The following ATP9B variants were observed in gnomAD, a reference collection of about 807,000 sequenced individuals.
ATP9B encodes ATPase phospholipid transporting 9B.
ATP9B carries 110 observed loss-of-function variants against 146.1 expected under a neutral mutation model. That is an observed-to-expected ratio of 0.75 (90% confidence interval 0.65 to 0.88). The LOEUF is 0.88. Among genes scored for constraint, ATP9B ranks in the 40% least tolerant of loss-of-function variants. The probability of loss-of-function intolerance (pLI) is 0.00; values close to 1 mark genes in which losing one functional copy is unlikely to be tolerated. For missense variants in ATP9B, 1,499 were observed against 1,496.4 expected (o/e 1.00, Z -0.03); for synonymous variants, 604 against 569.7 (o/e 1.06, Z -0.86).
At position 79,162,270 on chromosome 18, in the gene ATP9B, G is replaced by A. The variant is rs370128966; in HGVS notation, c.778+7715G>A. ...GGTTGCTCATGGCATCGTATTGACT[G>A]TGTATTAACACAGAATATTCTGTTG... On this transcript the variant is annotated intron_variant, in intron 7 of 29. Transcript: ENST00000426216. 1.2e-4 allele frequency among the ~76,000 whole-genome samples: 19 copies of A among 152,300 alleles called. No homozygotes were observed. The East Asian group carries it at 2.7e-3, about 22-fold the overall frequency.
At chr18:79,175,151 C>CG (rs2095142438) in intron 7 of ATP9B, among the ~76,000 whole-genome samples, 1 of 145,350 alleles carries the variant, frequency 6.9e-6, no homozygotes, top group African/African-American at 2.6e-5. Context: ...CAGTGAGCCG[C>CG]GATTGTGCCA....
intron 1 of ATP9B, among the ~76,000 whole-genome samples, chr18:79,096,057 T>A (rs2074753625): frequency 6.6e-6 from 1 of 152,226 alleles, no homozygotes; most frequent in African/African-American, 2.4e-5. Flanking sequence ...TCTAGAATGT[T>A]GGTTGATGAC....
chr18:79,125,717 CAT>C (rs1474625273), intron 4 of ATP9B, among the ~76,000 whole-genome samples: 1 of 152,102 alleles, frequency 6.6e-6, no homozygotes, highest in East Asian at 1.9e-4. Flanking sequence ...TAGCTAGCAT[CAT>C]ATTAATACAG....
At chr18:79,300,971 AAG>A (rs1278080442) in intron 13 of ATP9B, among the ~76,000 whole-genome samples, 3 of 152,218 alleles carry the variant, frequency 2.0e-5, no homozygotes, top group Non-Finnish European at 4.4e-5. Flanking sequence ...GCTTCACACT[AAG>A]AGAGAAAAGT....
At chr18:79,071,578 A>T (rs930032360) in intron 1 of ATP9B, among the ~76,000 whole-genome samples, 3 of 151,432 alleles carry the variant, frequency 2.0e-5, no homozygotes, top group Non-Finnish European at 4.4e-5. Flanking sequence ...AAGAGACAGC[A>T]TCTTGCTATA....
rs1375529943 is a variant in ATP9B, at chr18:79,347,791, G to T, written c.2704G>T (p.Ala902Ser). The T allele has an allele frequency of 6.3e-7, 1 of 1,591,656 alleles. No homozygotes were observed. Among genetic ancestry groups the T allele is most frequent in the Non-Finnish European group, 8.6e-7 (1 of 1,166,714 alleles). ...EGKEGKQASL[A>S]ADFSITQFRH... is the part of the protein sequence containing the mutation. ...TCAGGAGGGTAAACAGGCCTCGCTG[G>T]CGGCCGACTTCTCCATCACGCAGTT... The change falls in exon 24 of 30, where the codon GCG (alanine) becomes TCG (serine). Residue 902 changes from alanine to serine, a missense_variant. Transcript: ENST00000426216.
intron 5 of ATP9B, among the ~76,000 whole-genome samples, chr18:79,132,826 T>C (rs1303302822): frequency 6.6e-6 from 1 of 152,190 alleles, no homozygotes; most frequent in Admixed American, 6.5e-5. Context: ...CTTATAGAAG[T>C]AAACTGGAAG....
At chr18:79,097,886 AT>A (rs1454748978) in intron 2 of ATP9B, among the ~76,000 whole-genome samples, 2 of 151,204 alleles carry the variant, frequency 1.3e-5, no homozygotes, top group Non-Finnish European at 2.9e-5. Context: ...ATTTGGGTAT[AT>A]ACCCAGTAAT....
At position 79,213,944 on chromosome 18, in the gene ATP9B, A is replaced by T; in HGVS notation, c.1031-18A>T. On this transcript the variant is annotated intron_variant, in intron 10 of 29. Transcript: ENST00000426216. ...TCTTTAAAGTATTTCTACAAGGACC[A>T]CTTTCATGTTTTTGCAGGTACTGTA... 12 of 1,573,470 alleles carry T rather than the reference A, an allele frequency of 7.6e-6. No individual in the cohort carries two copies. Among genetic ancestry groups the T allele is most frequent in the Non-Finnish European group, 1.0e-5 (12 of 1,160,668 alleles).
At chr18:79,323,748 A>T (rs1315197206) in intron 15 of ATP9B, among the ~76,000 whole-genome samples, 9 of 152,202 alleles carry the variant, frequency 5.9e-5, no homozygotes, top group Non-Finnish European at 2.9e-5. Flanking sequence ...GCCACTGTGA[A>T]CAGTGCCGCA....
intron 8 of ATP9B, among the ~76,000 whole-genome samples, chr18:79,185,234 C>A (rs2095296298): frequency 6.6e-6 from 1 of 152,126 alleles, no homozygotes; most frequent in Non-Finnish European, 1.5e-5. Flanking sequence ...GCATGGAAAT[C>A]ACACCTTATG....
In ATP9B at chr18:79,113,369, TA is replaced by T; in HGVS notation, c.558+20del. 1 of 1,387,266 alleles carries T rather than the reference TA, an allele frequency of 7.2e-7. No homozygotes were observed. Among genetic ancestry groups the T allele is most frequent in the South Asian group, 1.3e-5 (1 of 78,908 alleles). The allele number at this position is 1,387,266 out of a possible 1,614,324, so 85.9% of individuals were successfully genotyped here. On this transcript the variant is annotated intron_variant, in intron 4 of 29. Coordinates refer to ENST00000426216, the MANE Select transcript of ATP9B (RefSeq NM_198531.5). ...GGGCTCCTCTGGTAAGAAAAGACTT[TA>T]AAAATTAAGTTAAATTATGAAATAT...
chr18:79,179,636 C>A (rs548005956), intron 8 of ATP9B, among the ~76,000 whole-genome samples: 1 of 151,978 alleles, frequency 6.6e-6, no homozygotes, highest in Non-Finnish European at 1.5e-5. Flanking sequence ...TTATTTAATT[C>A]TCTTATGGTC....
At chr18:79,327,715 G>T (rs1397917223) in intron 15 of ATP9B, among the ~76,000 whole-genome samples, 15 of 97,358 alleles carry the variant, frequency 1.5e-4, no homozygotes, top group African/African-American at 2.1e-4. Context: ...TCTCTCCATG[G>T]TTAGCGTGCT....
At chr18:79,212,470 G>A (rs568731457) in intron 10 of ATP9B, among the ~76,000 whole-genome samples, 1 of 152,260 alleles carries the variant, frequency 6.6e-6, no homozygotes, top group South Asian at 2.1e-4. Context: ...ATTAATTCTT[G>A]CAAAGCCTTT....
chr18:79,175,300 G>A (rs765119570), intron 7 of ATP9B, among the ~76,000 whole-genome samples: 5 of 151,114 alleles, frequency 3.3e-5, no homozygotes, highest in African/African-American at 4.9e-5. Flanking sequence ...TGTTTTATAC[G>A]CTGCTTTTTA....
Position 79,239,658 on chromosome 18 carries a change from G to A in ATP9B, c.1108-13723G>A, listed in dbSNP as rs2095871342. ...ATGCATCATTGTGCAAGAGGTAGCT[G>A]AGGACCAGGGCTTATTTCAGGCACT... On this transcript the variant is annotated intron_variant, in intron 11 of 29. Transcript: ENST00000426216. The surrounding 1 kb of genome is among the most constrained non-coding windows in gnomAD (Gnocchi z 5.1). 6.6e-6 allele frequency among the ~76,000 whole-genome samples: 1 copy of A among 152,168 alleles called. No individual in the cohort carries two copies. The highest frequency in any genetic ancestry group is 2.4e-5 in the African/African-American group (1 of 41,464).
intron 5 of ATP9B, among the ~76,000 whole-genome samples, chr18:79,139,076 T>A (rs1379294498): frequency 6.6e-6 from 1 of 152,160 alleles, no homozygotes; most frequent in African/African-American, 2.4e-5. Flanking sequence ...AGTTACTTAA[T>A]TATCTATCAC....
At chr18:79,201,635 A>G (rs1485880600) in intron 9 of ATP9B, among the ~76,000 whole-genome samples, 1 of 152,036 alleles carries the variant, frequency 6.6e-6, no homozygotes, top group Non-Finnish European at 1.5e-5. Flanking sequence ...CAGTGGCGTG[A>G]TCTCGGCTCA....
Sources: gnomAD v4.1 joint callset for allele counts (sites outside exome capture counted in the v4.1 genomes callset) on GRCh38, gnomAD v4.1.1 for gene constraint, Gnocchi (gnomAD v3.1) non-coding constraint, MANE v1.5 for transcripts, NCBI Gene and HGNC (gene_info 2026-07-23, HGNC 2026-07-21) for gene names.